RHOBTB2: variants seen among roughly 807,000 people sequenced by gnomAD.
RHOBTB2 encodes Rho related BTB domain containing 2.
In RHOBTB2, 39 loss-of-function variants were observed where a neutral mutation model predicts 66.5. The ratio of observed to expected loss-of-function variants is 0.59; its 90% CI spans 0.45 to 0.77. The LOEUF is 0.77. RHOBTB2 is among the 30% of genes least tolerant of loss of function. The pLI is 0.00. For synonymous variants in RHOBTB2, 390 were observed against 395.0 expected, an observed-to-expected ratio of 0.99 and a Z score of 0.15; for missense variants, 755 against 999.1, an observed-to-expected ratio of 0.76 and a Z score of 3.29.
chr8:22,998,423 T>A (rs1400377182), upstream of RHOBTB2, among the ~76,000 whole-genome samples: 1 of 152,114 alleles, frequency 6.6e-6, no homozygotes, highest in Non-Finnish European at 1.5e-5. Flanking sequence ...CTGAGCTGAC[T>A]ACTTAACACT....
At position 23,018,363 on chromosome 8, in the gene RHOBTB2, ACAAC is replaced by A. The variant is rs1411832289; in HGVS notation, c.*898_*901del. ...AATTAGCAAAAAACAAAAACCAATG[ACAAC>A]CAAACTGAAACCGAAACGAAAAATC... is the stretch of plus-strand genomic sequence containing the variant. On this transcript the variant is annotated 3_prime_UTR_variant, in exon 10 of 10. Transcript: ENST00000251822. 1 of 152,740 alleles carries A rather than the reference ACAAC, an allele frequency of 6.5e-6. No individual in the cohort carries two copies. The highest frequency in any genetic ancestry group is 1.5e-5 in the Non-Finnish European group (1 of 68,130). The allele number at this position is 152,740 out of a possible 1,614,324, so 9.5% of individuals were successfully genotyped here. A position where few individuals can be genotyped will look rare whatever the true frequency, so the allele number is the denominator to read the frequency against.
At position 23,006,086 on chromosome 8, in the gene RHOBTB2, G is replaced by A. The variant is rs771538218; in HGVS notation, c.423G>A (p.Gln141=). ...CACCTGTCATCTTGGTGGGCTGCCA[G>A]TTGGACCTGCGCTACGCTGACCTGG... ...PRAPVILVGC[Q]LDLRYADLEA... The change falls in exon 4 of 10, where the codon CAG becomes CAA. Residue 141 remains glutamine, a synonymous_variant. Coordinates refer to ENST00000251822, the MANE Select transcript of RHOBTB2 (RefSeq NM_015178.3). This position sits in a 1 kb window ranked among gnomAD's most constrained non-coding sequence, Gnocchi z 6.1. The A allele has an allele frequency of 9.9e-6, 16 of 1,613,908 alleles. No homozygotes were observed. The highest frequency in any genetic ancestry group is 1.3e-5 in the Non-Finnish European group (15 of 1,180,002).
chr8:22,973,514 G>A, the RHOBTB2 span, among the ~76,000 whole-genome samples: 5 of 152,164 alleles, frequency 3.3e-5, no homozygotes, highest in Non-Finnish European at 5.9e-5. Context: ...GATTACAGGC[G>A]TGAGCCACCA....
intron 1 of RHOBTB2, among the ~76,000 whole-genome samples, chr8:22,988,853 G>T (rs1264230392): frequency 2.0e-5 from 3 of 152,214 alleles, no homozygotes; most frequent in Admixed American, 2.0e-4. Flanking sequence ...GGCTGAGGCT[G>T]ATAGCCTCCA....
At chr8:23,010,744 A>G in intron 7 of RHOBTB2, 56 bp downstream of exon 7, 1 of 1,583,556 alleles carries the variant, frequency 6.3e-7, no homozygotes. Flanking sequence ...GGAAACCCCA[A>G]GGTGCAATGT....
At chr8:22,965,049 T>A in the RHOBTB2 span, among the ~76,000 whole-genome samples, 1 of 152,114 alleles carries the variant, frequency 6.6e-6, no homozygotes, top group African/African-American at 2.4e-5. Context: ...ATTCCTGACA[T>A]CAGATAATCT....
chr8:23,002,518 C>T (rs1379970318), intron 1 of RHOBTB2, among the ~76,000 whole-genome samples: 1 of 152,132 alleles, frequency 6.6e-6, no homozygotes, highest in Non-Finnish European at 1.5e-5. Flanking sequence ...ATGGCGAAAC[C>T]CCGTATCTAC....
At chr8:22,990,687 C>A (rs923906595) in intron 1 of RHOBTB2, among the ~76,000 whole-genome samples, 3 of 152,178 alleles carry the variant, frequency 2.0e-5, no homozygotes, top group Non-Finnish European at 4.4e-5. Context: ...AAGCCACAGA[C>A]AACCAGAAGG....
upstream of RHOBTB2, chr8:22,995,987 T>C (rs1043463519): frequency 9.3e-7 from 1 of 1,071,096 alleles, no homozygotes; most frequent in African/African-American, 1.6e-5. Flanking sequence ...GGGCTGGCAC[T>C]GGGAAGGGGC....
At chr8:22,951,141 T>G in the RHOBTB2 span, among the ~76,000 whole-genome samples, 1 of 152,130 alleles carries the variant, frequency 6.6e-6, no homozygotes, top group Non-Finnish European at 1.5e-5. Flanking sequence ...TATCATGATG[T>G]AACTGAGCAA....
Position 22,999,616 on chromosome 8 carries a change from T to A in RHOBTB2, c.-500T>A. ...TCCTTTTTTTACCCTCCCGTTTTTT[T>A]CTTTTCTTTTTTTTTTCCCTATCCT... On this transcript the variant is annotated 5_prime_UTR_variant, in exon 1 of 10. Coordinates refer to ENST00000251822, the MANE Select transcript of RHOBTB2 (RefSeq NM_015178.3). 1 of 1,239,094 alleles carries A rather than the reference T, an allele frequency of 8.1e-7. No homozygotes were observed. Among genetic ancestry groups the A allele is most frequent in the Non-Finnish European group, 1.0e-6 (1 of 970,260 alleles). 76.8% of individuals were successfully genotyped at this position (1,239,094 alleles called of 1,614,324 possible). A position where few individuals can be genotyped will look rare whatever the true frequency, so the allele number is the denominator to read the frequency against.
At chr8:22,966,166 A>C in the RHOBTB2 span, among the ~76,000 whole-genome samples, 78,241 of 151,430 alleles carry the variant, frequency 0.52, 22,471 homozygotes, top group East Asian at 0.73. Context: ...GCCTGGTCAA[A>C]GTAGGGAAAC....
chr8:22,982,683 AAAAC>A (rs984415572), upstream of RHOBTB2, among the ~76,000 whole-genome samples: 3 of 152,220 alleles, frequency 2.0e-5, no homozygotes, highest in South Asian at 2.1e-4. Flanking sequence ...CAACGTCACA[AAAAC>A]AAACAAACAA....
chr8:22,970,954 C>T, the RHOBTB2 span, among the ~76,000 whole-genome samples: 2 of 152,156 alleles, frequency 1.3e-5, no homozygotes, highest in African/African-American at 2.4e-5. Context: ...TCATTACAAA[C>T]CTTCTGCACC....
At chr8:22,967,830 G>C in the RHOBTB2 span, among the ~76,000 whole-genome samples, 1 of 151,834 alleles carries the variant, frequency 6.6e-6, no homozygotes, top group Non-Finnish European at 1.5e-5. Flanking sequence ...CGAATGTGTA[G>C]TACTTAATGT....
chr8:23,020,046 C>T lies in RHOBTB2; in HGVS notation c.*2577C>T. 2.9e-6 allele frequency: 1 copy of T among 339,892 alleles called. No individual in the cohort carries two copies. The highest frequency in any genetic ancestry group is 5.8e-6 in the Non-Finnish European group (1 of 173,722). 21.1% of individuals were successfully genotyped at this position (339,892 alleles called of 1,614,324 possible). ...GGAGGGAGGAAGGAAGGAGTCCCAGCAGGAGCACAGCCCTGGTTTCCTGTC... is the reference window on the plus strand; with the variant it reads ...GGAGGGAGGAAGGAAGGAGTCCCAGTAGGAGCACAGCCCTGGTTTCCTGTC... On this transcript the variant is annotated 3_prime_UTR_variant, in exon 10 of 10. Coordinates refer to ENST00000251822, the MANE Select transcript of RHOBTB2 (RefSeq NM_015178.3).
chr8:23,000,179 G>T, intron 1 of RHOBTB2, 74 bp downstream of exon 1: 1 of 944,054 alleles, frequency 1.1e-6, no homozygotes, highest in Non-Finnish European at 1.3e-6. Context: ...CGCCCTCCCT[G>T]CCCTGCCGCG....
chr8:22,998,724 CAA>C (rs555614764), upstream of RHOBTB2, among the ~76,000 whole-genome samples: 426 of 81,278 alleles, frequency 5.2e-3, 1 homozygote, highest in African/African-American at 0.017. Context: ...GAGGGAGACT[CAA>C]AAAAAAAAAA....
intron 6 of RHOBTB2, among the ~76,000 whole-genome samples, chr8:23,009,634 G>C (rs1811077404): frequency 6.6e-6 from 1 of 152,188 alleles, no homozygotes; most frequent in Non-Finnish European, 1.5e-5. Context: ...CCAAATGCTT[G>C]AATGAAAAAC....
Sources: gnomAD v4.1 joint callset for allele counts (sites outside exome capture counted in the v4.1 genomes callset) on GRCh38, gnomAD v4.1.1 for gene constraint, Gnocchi (gnomAD v3.1) non-coding constraint, MANE v1.5 for transcripts, NCBI Gene and HGNC (gene_info 2026-07-23, HGNC 2026-07-21) for gene names.